Variants in EPB41L2 observed in about 807,000 individuals in gnomAD.
EPB41L2 encodes band 4.1-like protein 2.
EPB41L2 carries 43 observed loss-of-function variants against 113.0 expected under a neutral mutation model. The observed-to-expected ratio is 0.38, with a 90% confidence interval of 0.30 to 0.49. The LOEUF is 0.49. Among genes scored for constraint, EPB41L2 ranks in the 20% least tolerant of loss-of-function variants. The pLI is 0.95. For synonymous variants in EPB41L2, 442 were observed against 436.7 expected, an observed-to-expected ratio of 1.01 and a Z score of -0.15; for missense variants, 1,147 against 1,223.4, an observed-to-expected ratio of 0.94 and a Z score of 0.93.
intron 14 of EPB41L2, chr6:130,870,361 T>G (rs1785244151): frequency 6.4e-7 from 1 of 1,550,630 alleles, no homozygotes; most frequent in Admixed American, 2.0e-5. Flanking sequence ...TGCAAGGCCC[T>G]TCTGACTCGG....
At chr6:131,029,638 G>A (rs917921778) in intron 1 of EPB41L2, among the ~76,000 whole-genome samples, 5 of 152,114 alleles carry the variant, frequency 3.3e-5, no homozygotes, top group African/African-American at 1.2e-4. Flanking sequence ...CAACGCCCAT[G>A]GAATCCTGAA....
chr6:130,928,479 G>A (rs967731586), intron 3 of EPB41L2, among the ~76,000 whole-genome samples: 1 of 152,192 alleles, frequency 6.6e-6, no homozygotes, highest in African/African-American at 2.4e-5. Flanking sequence ...TTTGAAATTA[G>A]GGTAAAAAGG....
At chr6:131,007,710 G>A (rs1178592782) in intron 1 of EPB41L2, among the ~76,000 whole-genome samples, 1 of 152,168 alleles carries the variant, frequency 6.6e-6, no homozygotes, top group African/African-American at 2.4e-5. Flanking sequence ...TGAAGTAAAG[G>A]TCACTGTTTC....
chr6:130,892,409 T>TTTTTTTTTTTTTTTC, intron 10 of EPB41L2, among the ~76,000 whole-genome samples: 1 of 132,486 alleles, frequency 7.5e-6, no homozygotes, highest in Non-Finnish European at 1.6e-5. Flanking sequence ...ATTGCTTTTT[T>TTTTTTTTTTTTTTTC]TTTTTTTTTT....
intron 14 of EPB41L2, among the ~76,000 whole-genome samples, chr6:130,871,360 T>C (rs1231858554): frequency 6.6e-6 from 1 of 152,186 alleles, no homozygotes; most frequent in Non-Finnish European, 1.5e-5. Context: ...ATAATTCAGC[T>C]AGAGCCAGGA....
In EPB41L2 at chr6:130,956,519, C is replaced by A. The variant is rs56009627; in HGVS notation, c.-14-20G>T. On this transcript the variant is annotated intron_variant, in intron 1 of 19. Coordinates refer to ENST00000337057, the MANE Select transcript of EPB41L2 (RefSeq NM_001431.4). ...CTTATGCTGTAATCAAAACAAAAAT[C>A]ATAAAATGTCATTTTGTAAGTTCTC... 1.7e-5 allele frequency: 26 copies of A among 1,560,014 alleles called. No homozygotes were observed. The highest frequency in any genetic ancestry group is 2.2e-5 in the Non-Finnish European group (25 of 1,158,156).
chr6:131,007,939 T>C (rs1785974928), intron 1 of EPB41L2, among the ~76,000 whole-genome samples: 1 of 152,198 alleles, frequency 6.6e-6, no homozygotes, highest in Admixed American at 6.5e-5. Flanking sequence ...AAGCAGAGCA[T>C]TAAAGTTTGG....
chr6:130,947,808 A>T (rs1813457844), intron 3 of EPB41L2, among the ~76,000 whole-genome samples: 1 of 152,234 alleles, frequency 6.6e-6, no homozygotes, highest in Non-Finnish European at 1.5e-5. Flanking sequence ...AGCAACGGGA[A>T]AATCAAAATA....
intron 4 of EPB41L2, 33 bp downstream of exon 4, chr6:130,926,572 T>C: frequency 6.9e-7 from 1 of 1,452,570 alleles, no homozygotes; most frequent in South Asian, 1.2e-5. Flanking sequence ...CAATATGTTC[T>C]AAAAAGATAA....
At chr6:130,889,947 A>T (rs1314763292) in intron 11 of EPB41L2, among the ~76,000 whole-genome samples, 1 of 152,182 alleles carries the variant, frequency 6.6e-6, no homozygotes, top group Admixed American at 6.5e-5. Flanking sequence ...CCAAATCTGA[A>T]CATATGAAAT....
At chr6:130,866,323 G>A (rs1263396131) in intron 16 of EPB41L2, among the ~76,000 whole-genome samples, 1 of 152,188 alleles carries the variant, frequency 6.6e-6, no homozygotes, top group African/African-American at 2.4e-5. Context: ...AATCAATGAA[G>A]CAAATTAATA....
At chr6:130,937,531 AAAT>A (rs1052361804) in intron 3 of EPB41L2, among the ~76,000 whole-genome samples, 2 of 152,186 alleles carry the variant, frequency 1.3e-5, no homozygotes, top group Non-Finnish European at 2.9e-5. Context: ...TTTAAAAAAA[AAAT>A]GATTGGCTGG....
At chr6:130,872,308 A>T (rs1282027985) in intron 14 of EPB41L2, 11 of 1,203,798 alleles carry the variant, frequency 9.1e-6, no homozygotes, top group Non-Finnish European at 4.2e-6. Flanking sequence ...CTGAATATTT[A>T]AAAAAATGAA....
intron 19 of EPB41L2, among the ~76,000 whole-genome samples, chr6:130,844,164 TACA>T (rs1776310206): frequency 6.6e-6 from 1 of 152,164 alleles, no homozygotes; most frequent in Non-Finnish European, 1.5e-5. Flanking sequence ...CCCCAGATAA[TACA>T]ACAATGCAAA....
At chr6:130,962,016 T>C (rs941425777) in intron 1 of EPB41L2, among the ~76,000 whole-genome samples, 2 of 152,240 alleles carry the variant, frequency 1.3e-5, no homozygotes, top group African/African-American at 2.4e-5. Context: ...TTCATCTGCT[T>C]GTGGGTAGAG....
chr6:130,980,884 T>C (rs1779242475), intron 1 of EPB41L2, among the ~76,000 whole-genome samples: 1 of 152,184 alleles, frequency 6.6e-6, no homozygotes. Flanking sequence ...TTTCTGTCTA[T>C]AAAAGCAACT....
chr6:130,983,083 C>A (rs917531887), intron 1 of EPB41L2, among the ~76,000 whole-genome samples: 4 of 152,218 alleles, frequency 2.6e-5, no homozygotes, highest in African/African-American at 9.6e-5. Context: ...CGGTGTCTCA[C>A]ATTTGCCCAC....
chr6:130,896,433 C>T (rs1054484086), intron 8 of EPB41L2, among the ~76,000 whole-genome samples: 3 of 152,222 alleles, frequency 2.0e-5, no homozygotes, highest in Non-Finnish European at 4.4e-5. Flanking sequence ...AAAACCATCA[C>T]TGCCCATGGC....
At chr6:131,057,738 T>C (rs773911128) in intron 1 of EPB41L2, among the ~76,000 whole-genome samples, 1 of 152,208 alleles carries the variant, frequency 6.6e-6, no homozygotes, top group African/African-American at 2.4e-5. Flanking sequence ...ATTTGAAAAT[T>C]CTTTCATGAA....
Sources: gnomAD v4.1 joint callset for allele counts (sites outside exome capture counted in the v4.1 genomes callset) on GRCh38, gnomAD v4.1.1 for gene constraint, MANE v1.5 for transcripts, NCBI Gene and HGNC (gene_info 2026-07-23, HGNC 2026-07-21) for gene names.